The following NEIL3 variants were observed in gnomAD, a reference collection of about 807,000 sequenced individuals.
NEIL3 encodes endonuclease 8-like 3.
A neutral mutation model predicts 57.5 loss-of-function variants in NEIL3; 48 were observed. The ratio of observed to expected loss-of-function variants is 0.83; its 90% confidence interval spans 0.66 to 1.06. The LOEUF (loss-of-function observed/expected upper bound fraction) is 1.06. Among genes scored for constraint, NEIL3 ranks in the 50% least tolerant of loss-of-function variants. The pLI, the probability that NEIL3 is intolerant of heterozygous loss-of-function variation, is 0.00. For synonymous variants in NEIL3, 261 were observed against 253.2 expected, an observed-to-expected ratio of 1.03 and a Z score of -0.29; for missense variants, 717 against 739.1, an observed-to-expected ratio of 0.97 and a Z score of 0.35.
intron 2 of NEIL3, among the ~76,000 whole-genome samples, chr4:177,329,053 T>A (rs2110898779): frequency 6.6e-6 from 1 of 152,296 alleles, no homozygotes; most frequent in South Asian, 2.1e-4. Flanking sequence ...AGATAACTTG[T>A]ATCACAGTGT....
In NEIL3 at chr4:177,336,289, C is replaced by T. The variant is rs116410768; in HGVS notation, c.595C>T (p.Leu199Phe). Residue 199 changes from leucine to phenylalanine, a missense_variant, in exon 4 of 10, where the codon CTC becomes TTC. Coordinates refer to ENST00000264596, the MANE Select transcript of NEIL3 (RefSeq NM_018248.3). ...GVGNIIKNEA[L>F]FDSGLHPAVK... ...AGGGAACATCATCAAAAATGAAGCT[C>T]TCTTTGACAGTGGTCTCCACCCAGC... 6.2e-7 allele frequency: 1 copy of T among 1,614,132 alleles called. No homozygotes were observed. The highest frequency in any genetic ancestry group is 8.5e-7 in the Non-Finnish European group (1 of 1,180,000).
At chr4:177,323,576 G>T (rs1425091134) in intron 2 of NEIL3, among the ~76,000 whole-genome samples, 1 of 152,118 alleles carries the variant, frequency 6.6e-6, no homozygotes, top group African/African-American at 2.4e-5. Context: ...TCATGGTTTT[G>T]CTTAGTCTGG....
chr4:177,320,299 G>A (rs1226937190), intron 1 of NEIL3, among the ~76,000 whole-genome samples: 1 of 151,912 alleles, frequency 6.6e-6, no homozygotes, highest in Non-Finnish European at 1.5e-5. Context: ...TTTCCTCACT[G>A]AGTACTCAAG....
rs749430879 is a variant in NEIL3, at chr4:177,351,206, C to CAAAAAAA, written c.870-148_870-142dup. Among the ~76,000 whole-genome samples the CAAAAAAA allele has an allele frequency of 7.5e-4, 44 of 58,518 alleles. 1 individual carries two copies. The highest frequency in any genetic ancestry group is 1.9e-3 in the African/African-American group (25 of 12,830). 38.4% of individuals were successfully genotyped at this position (58,518 alleles called of 152,430 possible). A position where few individuals can be genotyped will look rare whatever the true frequency, so the allele number is the denominator to read the frequency against. On this transcript the variant is annotated intron_variant, in intron 6 of 9. Coordinates refer to ENST00000264596, the MANE Select transcript of NEIL3 (RefSeq NM_018248.3). ...ATGACAGAGCAAGACCCCATCTCTA[C>CAAAAAAA]AAAAAAAAAAAAAAAAAAAAAAAAA...
chr4:177,320,220 A>G (rs556043851), intron 1 of NEIL3, among the ~76,000 whole-genome samples: 3 of 152,252 alleles, frequency 2.0e-5, no homozygotes, highest in Non-Finnish European at 2.9e-5. Context: ...AAAAGCATCA[A>G]GATTCTTGGT....
chr4:177,315,293 T>C (rs1243300977), intron 1 of NEIL3, among the ~76,000 whole-genome samples: 1 of 152,186 alleles, frequency 6.6e-6, no homozygotes, highest in Non-Finnish European at 1.5e-5. Context: ...ATCAGCACAA[T>C]AAATCATGTG....
At chr4:177,350,789 A>G (rs1047597112) in intron 6 of NEIL3, among the ~76,000 whole-genome samples, 26 of 152,146 alleles carry the variant, frequency 1.7e-4, no homozygotes, top group African/African-American at 4.8e-4. Flanking sequence ...AATACTTCCT[A>G]ATGTGATATC....
intron 6 of NEIL3, among the ~76,000 whole-genome samples, chr4:177,345,477 A>T (rs1027084655): frequency 4.8e-4 from 66 of 136,908 alleles, no homozygotes; most frequent in African/African-American, 1.3e-3. Flanking sequence ...TTTTTTTTTT[A>T]TTATTATTAT....
intron 8 of NEIL3, among the ~76,000 whole-genome samples, chr4:177,356,221 G>C (rs1356028786): frequency 6.6e-6 from 1 of 152,070 alleles, no homozygotes; most frequent in Non-Finnish European, 1.5e-5. Flanking sequence ...GAAAATCTCA[G>C]ACATTTTAAC....
intron 3 of NEIL3, 45 bp downstream of exon 3, chr4:177,335,867 G>T: frequency 6.7e-7 from 1 of 1,495,992 alleles, no homozygotes; most frequent in Non-Finnish European, 8.9e-7. Context: ...ATACTGCAGA[G>T]CTTGGTTTGG....
At chr4:177,371,216 C>T in the NEIL3 span, among the ~76,000 whole-genome samples, 272 of 152,344 alleles carry the variant, frequency 1.8e-3, no homozygotes, top group African/African-American at 6.1e-3. Context: ...CACTCCCAAT[C>T]GCTAGCATGA....
chr4:177,351,810 G>A (rs1560920331), intron 7 of NEIL3, among the ~76,000 whole-genome samples: 1 of 152,150 alleles, frequency 6.6e-6, no homozygotes. Context: ...GATCACATCT[G>A]TTCTCTACTG....
At chr4:177,339,639 C>T (rs779536126) in intron 4 of NEIL3, 144 bp from the exon 5 acceptor site, 2 of 610,820 alleles carry the variant, frequency 3.3e-6, no homozygotes, top group Non-Finnish European at 5.7e-6. Flanking sequence ...AGTGGACCCT[C>T]CCAGTTCAAA....
intron 8 of NEIL3, among the ~76,000 whole-genome samples, chr4:177,356,469 C>T (rs1287386455): frequency 6.6e-6 from 1 of 152,194 alleles, no homozygotes; most frequent in Non-Finnish European, 1.5e-5. Flanking sequence ...AGCCCTTCTG[C>T]ACCCAGCTAC....
intron 7 of NEIL3, among the ~76,000 whole-genome samples, chr4:177,352,305 G>A (rs971525343): frequency 1.3e-5 from 2 of 152,160 alleles, no homozygotes; most frequent in Non-Finnish European, 2.9e-5. Flanking sequence ...TGCATCTCCT[G>A]TTTCCATCCC....
chr4:177,362,590 G>C lies in NEIL3; in HGVS notation c.*119G>C. The stretch of plus-strand genomic sequence containing the variant: ...ACATTGAAAAGTTACTGCAATATTT[G>C]AGAACTGTTCTTTTTTTTTCTTGTG... On this transcript the variant is annotated 3_prime_UTR_variant, in exon 10 of 10. Transcript: ENST00000264596. 1.3e-6 allele frequency: 1 copy of C among 749,568 alleles called. No individual in the cohort carries two copies. The highest frequency in any genetic ancestry group is 3.0e-5 in the East Asian group (1 of 33,546). 46.4% of individuals were successfully genotyped at this position (749,568 alleles called of 1,614,324 possible).
Position 177,360,168 on chromosome 4 carries a change from G to C in NEIL3, c.1461-335G>C, listed in dbSNP as rs35320584. Among the ~76,000 whole-genome samples, 128 of 152,296 alleles carry C rather than the reference G, an allele frequency of 8.4e-4. 3 individuals carry two copies. The East Asian group carries it at 0.023, about 27-fold the overall frequency. The stretch of plus-strand genomic sequence containing the variant: ...ACTTGAGAATATTTTAGAGGAAAAA[G>C]AAGTGGCTACAGTGTGATATTGGGT... On this transcript the variant is annotated intron_variant, in intron 8 of 9. Coordinates refer to ENST00000264596, the MANE Select transcript of NEIL3 (RefSeq NM_018248.3).
At chr4:177,366,556 G>A (rs555489185), downstream of NEIL3, among the ~76,000 whole-genome samples, 11 of 152,182 alleles carry the variant, frequency 7.2e-5, no homozygotes, top group South Asian at 2.1e-4. Flanking sequence ...CTGCCACCAC[G>A]CCTGGCTAAT....
At chr4:177,312,388 C>T (rs750418945) in intron 1 of NEIL3, among the ~76,000 whole-genome samples, 5 of 152,144 alleles carry the variant, frequency 3.3e-5, no homozygotes, top group African/African-American at 9.7e-5. Flanking sequence ...GGTAAGAACA[C>T]CATAATGCTC....
Sources: allele counts gnomAD v4.1 joint callset (sites outside exome capture counted in the v4.1 genomes callset), GRCh38; gene constraint gnomAD v4.1.1; transcripts MANE v1.5; gene names NCBI Gene and HGNC (gene_info 2026-07-23, HGNC 2026-07-21).